The following TENM1 variants were observed in gnomAD, a reference collection of about 807,000 sequenced individuals.
TENM1 encodes teneurin transmembrane protein 1.
A neutral mutation model predicts 174.8 loss-of-function variants in TENM1; 35 were observed. That is an observed-to-expected ratio of 0.20 (90% CI 0.15 to 0.27). The LOEUF is 0.27. Among genes scored for constraint, TENM1 ranks in the 10% least tolerant of loss-of-function variants. The pLI, the probability that TENM1 is intolerant of heterozygous loss-of-function variation, is 1.00. For missense variants in TENM1, 1,633 were observed against 2,130.1 expected (o/e 0.77, Z 4.59); for synonymous variants, 781 against 798.7 (o/e 0.98, Z 0.37).
intron 25 of TENM1, among the ~76,000 whole-genome samples, chrX:124,416,012 G>A (rs1603258198): frequency 9.0e-6 from 1 of 110,977 alleles, no homozygotes; most frequent in African/African-American, 3.3e-5. Context: ...TAATTTCTCT[G>A]CTCTTTACAG....
chrX:124,520,602 G>A (rs748527472), exon 18 of TENM1: 12 of 1,210,849 alleles, frequency 9.9e-6, no homozygotes, highest in South Asian at 5.3e-5. Flanking sequence ...TAATTGCGGC[G>A]GGAAACCACT....
intron 22 of TENM1, among the ~76,000 whole-genome samples, chrX:124,464,204 A>G (rs1029351815): frequency 3.6e-5 from 4 of 111,569 alleles, no homozygotes; most frequent in Non-Finnish European, 7.5e-5. Flanking sequence ...CCTAGGAAGG[A>G]AAGTTCGTTT....
At chrX:125,105,910 G>A in the TENM1 span, among the ~76,000 whole-genome samples, 1 of 111,982 alleles carries the variant, frequency 8.9e-6, no homozygotes, top group African/African-American at 3.2e-5. Flanking sequence ...ATGACACCCT[G>A]AATGATCTGA....
chrX:124,501,691 A>G (rs2047333798), intron 19 of TENM1, among the ~76,000 whole-genome samples: 1 of 111,737 alleles, frequency 8.9e-6, no homozygotes, highest in Admixed American at 9.5e-5. Context: ...ATCAGTCAGA[A>G]AAGACTGTCT....
intron 3 of TENM1, among the ~76,000 whole-genome samples, chrX:124,771,315 A>T (rs1265740136): frequency 8.9e-6 from 1 of 112,674 alleles, no homozygotes; most frequent in Non-Finnish European, 1.9e-5. Context: ...TAACCCATAT[A>T]TAGTCTTCAA....
intron 11 of TENM1, among the ~76,000 whole-genome samples, chrX:124,613,030 C>T (rs955213974): frequency 2.7e-5 from 3 of 111,331 alleles, no homozygotes; most frequent in Admixed American, 9.6e-5. Context: ...ATGGATGGAA[C>T]GTTACCTTTC....
chrX:124,390,430 T>C (rs1163778271), intron 28 of TENM1, among the ~76,000 whole-genome samples: 3 of 112,390 alleles, frequency 2.7e-5, no homozygotes, highest in South Asian at 7.3e-4. Flanking sequence ...GCCATGCTGG[T>C]GCGCTGCACC....
chrX:125,145,531 T>C, the TENM1 span, among the ~76,000 whole-genome samples: 1 of 112,746 alleles, frequency 8.9e-6, no homozygotes, highest in African/African-American at 3.2e-5. Flanking sequence ...TGTAACCATA[T>C]ATTTATTTAG....
intron 3 of TENM1, among the ~76,000 whole-genome samples, chrX:124,807,916 C>CACACACACACACACACACAA (rs746369843): frequency 1.9e-5 from 2 of 106,867 alleles, no homozygotes; most frequent in African/African-American, 6.9e-5. Context: ...CACACACACA[C>CACACACACACACACACACAA]ACAGAGGAAG....
intron 22 of TENM1, among the ~76,000 whole-genome samples, chrX:124,475,037 T>C (rs2061372411): frequency 9.0e-6 from 1 of 111,716 alleles, no homozygotes; most frequent in African/African-American, 3.3e-5. Context: ...AGAAATGTCT[T>C]GAAACTGGGC....
At chrX:124,666,107 C>T (rs1406715146) in intron 6 of TENM1, among the ~76,000 whole-genome samples, 1 of 111,777 alleles carries the variant, frequency 8.9e-6, no homozygotes, top group Admixed American at 9.5e-5. Flanking sequence ...ATTCAGCAGA[C>T]ACTGACTAGA....
At chrX:124,477,613 G>A (rs774512022) in intron 22 of TENM1, among the ~76,000 whole-genome samples, 31 of 110,981 alleles carry the variant, frequency 2.8e-4, no homozygotes, top group Non-Finnish European at 5.1e-4. Flanking sequence ...TGAGCCAGGC[G>A]TGGTGGCCCC....
exon 32 of TENM1, chrX:124,375,942 C>T (rs1209918713): frequency 1.8e-5 from 2 of 112,512 alleles, no homozygotes; most frequent in Non-Finnish European, 3.8e-5. Context: ...ATGAAATATT[C>T]AAAGTACTTT....
chrX:125,084,081 T>G, the TENM1 span, among the ~76,000 whole-genome samples: 1 of 111,247 alleles, frequency 9.0e-6, no homozygotes, highest in South Asian at 3.7e-4. Context: ...GCTCAAAAAG[T>G]TGAGAGGTAG....
chrX:124,688,796 G>C (rs762637384), intron 5 of TENM1: 1 of 111,769 alleles, frequency 8.9e-6, no homozygotes, highest in Non-Finnish European at 1.9e-5. Context: ...TGAACAGGCT[G>C]CAAGTGAATG....
the TENM1 span, among the ~76,000 whole-genome samples, chrX:125,201,520 G>A: frequency 1.8e-5 from 2 of 111,227 alleles, no homozygotes; most frequent in Non-Finnish European, 3.8e-5. Flanking sequence ...AATATTTGTG[G>A]GGTTTTTTTC....
intron 6 of TENM1, among the ~76,000 whole-genome samples, chrX:124,662,734 G>T (rs142398952): frequency 9.0e-6 from 1 of 111,328 alleles, no homozygotes; most frequent in African/African-American, 3.3e-5. Flanking sequence ...AAGGTCTGGC[G>T]CAAACTACTT....
At chrX:124,985,173 C>A in the TENM1 span, among the ~76,000 whole-genome samples, 1 of 111,862 alleles carries the variant, frequency 8.9e-6, no homozygotes, top group South Asian at 3.7e-4. Context: ...CTAATGATGA[C>A]CCTGCTTAAC....
the TENM1 span, among the ~76,000 whole-genome samples, chrX:125,147,046 CTG>C: frequency 4.6e-5 from 5 of 109,005 alleles, no homozygotes; most frequent in East Asian, 2.9e-4. Flanking sequence ...ATACATGTGT[CTG>C]TGTGTGTATA....
Sources: gnomAD v4.1 joint callset for allele counts (sites outside exome capture counted in the v4.1 genomes callset) on GRCh38, gnomAD v4.1.1 for gene constraint, MANE v1.5 for transcripts, NCBI Gene and HGNC (gene_info 2026-07-23, HGNC 2026-07-21) for gene names.